Variants in CHID1 observed in about 807,000 individuals in gnomAD.
The protein encoded by CHID1 is chitinase domain-containing protein 1.
A neutral mutation model predicts 55.4 loss-of-function variants in CHID1; 44 were observed. That is an observed-to-expected ratio of 0.79 (90% CI 0.62 to 1.02). The LOEUF is 1.02. CHID1 is among the 50% of genes least tolerant of loss of function. The pLI, the probability that CHID1 is intolerant of heterozygous loss-of-function variation, is 0.00. For missense variants in CHID1, 491 were observed against 515.3 expected (o/e 0.95, Z 0.46); for synonymous variants, 216 against 212.9 (o/e 1.01, Z -0.13).
rs768838979 is a variant in CHID1 at position 902,953 on chromosome 11, C to T, written c.261+9G>A. 1.9e-5 allele frequency: 30 copies of T among 1,612,470 alleles called. No homozygotes were observed. In the South Asian group the frequency reaches 3.3e-4, roughly 18 times the overall value. ...GACCTCCCTCTGCACTGTGAGGGCC[C>T]CAACTTACTGGAGTGACATAGCCCA... On this transcript the variant is annotated intron_variant, in intron 3 of 12. Transcript: ENST00000323578.
chr11:892,513 T>C (rs1038316669), intron 8 of CHID1, among the ~76,000 whole-genome samples: 1 of 152,206 alleles, frequency 6.6e-6, no homozygotes, highest in Non-Finnish European at 1.5e-5. Flanking sequence ...TGCTTTCCAC[T>C]TTCCAGGGTC....
At chr11:896,058 C>A (rs1851252222) in intron 7 of CHID1, among the ~76,000 whole-genome samples, 1 of 151,948 alleles carries the variant, frequency 6.6e-6, no homozygotes, top group African/African-American at 2.4e-5. Flanking sequence ...CGAGCCCTGA[C>A]ACAACGAGGC....
intron 10 of CHID1, among the ~76,000 whole-genome samples, chr11:879,979 A>G (rs975078219): frequency 6.6e-6 from 1 of 152,212 alleles, no homozygotes; most frequent in Non-Finnish European, 1.5e-5. Context: ...AAGGAGGGCC[A>G]TGGTGGGGGA....
At position 900,181 on chromosome 11, in the gene CHID1, T is replaced by C. The variant is rs528504810; in HGVS notation, c.440-71A>G. ...TGGAGGGCCCCTGCTGTTTGCTGCC[T>C]CAAAAAGGCATCCCCTTGGCCTCCA... On this transcript the variant is annotated intron_variant, in intron 5 of 12. Coordinates refer to ENST00000323578, the MANE Select transcript of CHID1 (RefSeq NM_023947.4). The C allele has an allele frequency of 8.2e-5, 103 of 1,259,232 alleles. No individual in the cohort carries two copies. In the African/African-American group the frequency reaches 1.4e-3, roughly 17 times the overall value. 78.0% of individuals were successfully genotyped at this position (1,259,232 alleles called of 1,614,324 possible).
At chr11:910,024 A>G in intron 1 of CHID1, among the ~76,000 whole-genome samples, 1 of 150,988 alleles carries the variant, frequency 6.6e-6, no homozygotes, top group South Asian at 2.1e-4. Flanking sequence ...GCGCCACTGC[A>G]CTCCAGCCTG....
At chr11:910,523 T>C in intron 1 of CHID1, 2 of 667,422 alleles carry the variant, frequency 3.0e-6, no homozygotes, top group South Asian at 2.7e-5. Flanking sequence ...CGCGCCCCCG[T>C]CCACACTCGC....
At chr11:880,425 G>C (rs1849826642) in intron 10 of CHID1, among the ~76,000 whole-genome samples, 1 of 152,176 alleles carries the variant, frequency 6.6e-6, no homozygotes, top group African/African-American at 2.4e-5. Context: ...TGGACCCCAG[G>C]ACCAGCCGTG....
At chr11:879,906 G>T (rs973787211) in intron 10 of CHID1, among the ~76,000 whole-genome samples, 1 of 152,208 alleles carries the variant, frequency 6.6e-6, no homozygotes, top group Non-Finnish European at 1.5e-5. Flanking sequence ...ACCATGTCAG[G>T]GATGTGGTAA....
chr11:889,397 A>G (rs536117443), intron 8 of CHID1, among the ~76,000 whole-genome samples: 22 of 152,224 alleles, frequency 1.4e-4, no homozygotes, highest in African/African-American at 5.3e-4. Context: ...AGTTGACGCC[A>G]GGCAAAAGGA....
Position 902,140 on chromosome 11 carries a change from G to A in CHID1, c.394+58C>T, listed in dbSNP as rs566817527. The A allele has an allele frequency of 2.4e-5, 38 of 1,600,438 alleles. No individual in the cohort carries two copies. In the African/African-American group the frequency reaches 3.2e-4, roughly 14 times the overall value. On this transcript the variant is annotated intron_variant, in intron 4 of 12. Coordinates refer to ENST00000323578, the MANE Select transcript of CHID1 (RefSeq NM_023947.4). ...CTCACACACACACACCCCTGCTCTC[G>A]CACTCACACTCTTTTCAGCCTGTGG... is the stretch of plus-strand genomic sequence containing the variant.
intron 1 of CHID1, among the ~76,000 whole-genome samples, chr11:909,337 A>C (rs548754693): frequency 2.2e-4 from 34 of 152,312 alleles, no homozygotes; most frequent in African/African-American, 7.9e-4. Context: ...ACGGCCCCGC[A>C]CACAAAGGGA....
At chr11:873,593 G>C (rs139397248) in intron 10 of CHID1, among the ~76,000 whole-genome samples, 209 of 152,200 alleles carry the variant, frequency 1.4e-3, no homozygotes, top group African/African-American at 4.6e-3. Flanking sequence ...CAAGCACATG[G>C]ACGGGGAGGA....
chr11:870,050 C>T (rs1279046974), intron 12 of CHID1, 71 bp downstream of exon 12: 1 of 1,608,830 alleles, frequency 6.2e-7, no homozygotes, highest in Admixed American at 1.7e-5. Flanking sequence ...CGCCTGGACC[C>T]CAGGCCAGTG....
At chr11:901,009 C>T in intron 4 of CHID1, 29 bp from the exon 5 acceptor site, 1 of 1,579,672 alleles carries the variant, frequency 6.3e-7, no homozygotes, top group African/African-American at 1.4e-5. Flanking sequence ...ACAGTCAACA[C>T]AGGCACGTGC....
rs550111105 is a variant in CHID1, at chr11:877,441, C to T, written c.959+5707G>A. Among the ~76,000 whole-genome samples the T allele has an allele frequency of 1.1e-4, 17 of 152,290 alleles. 3 individuals are homozygous for T. In the South Asian group the frequency reaches 3.5e-3, roughly 32 times the overall value. ...TTTAAACTATTTGTAATGATGGGGT[C>T]TCTCTATTTTGCATAGAAGATCTCG... On this transcript the variant is annotated intron_variant, in intron 10 of 12. Coordinates refer to ENST00000323578, the MANE Select transcript of CHID1 (RefSeq NM_023947.4).
chr11:877,904 G>C (rs972561052), intron 10 of CHID1, among the ~76,000 whole-genome samples: 2 of 152,242 alleles, frequency 1.3e-5, no homozygotes, highest in Non-Finnish European at 2.9e-5. Context: ...CTCCGCCCTG[G>C]TGAACGGATT....
At chr11:901,529 A>G (rs1259879494) in intron 4 of CHID1, among the ~76,000 whole-genome samples, 1 of 152,160 alleles carries the variant, frequency 6.6e-6, no homozygotes, top group Non-Finnish European at 1.5e-5. Context: ...ATGTGCCATC[A>G]GGAGGCAGCC....
intron 8 of CHID1, among the ~76,000 whole-genome samples, chr11:893,080 G>A (rs936915484): frequency 1.3e-5 from 2 of 152,214 alleles, no homozygotes; most frequent in Non-Finnish European, 2.9e-5. Context: ...GAAGCCCAGT[G>A]TCTGCCTGAG....
At chr11:911,241 C>T (rs1006786956), upstream of CHID1, 2 of 151,930 alleles carry the variant, frequency 1.3e-5, no homozygotes, top group Non-Finnish European at 2.9e-5. Flanking sequence ...CTGGCGTCCC[C>T]CCGACCCCCG....
Sources: allele counts gnomAD v4.1 joint callset (sites outside exome capture counted in the v4.1 genomes callset), GRCh38; gene constraint gnomAD v4.1.1; transcripts MANE v1.5; gene names NCBI Gene and HGNC (gene_info 2026-07-23, HGNC 2026-07-21).